Variants in AATK observed in about 807,000 individuals in gnomAD.
AATK encodes lemur tail kinase 1.
Under a neutral mutation model 114.3 loss-of-function variants are expected in AATK, and 91 were observed. The observed-to-expected ratio is 0.80, with a 90% CI of 0.67 to 0.95. The LOEUF (loss-of-function observed/expected upper bound fraction) is 0.95. AATK is among the 40% of genes least tolerant of loss of function. The probability of loss-of-function intolerance (pLI) is 0.00; values close to 1 mark genes in which losing one functional copy is unlikely to be tolerated. For missense variants in AATK, 2,176 were observed against 1,965.2 expected, an observed-to-expected ratio of 1.11 and a Z score of -2.03; for synonymous variants, 1,075 against 916.5, an observed-to-expected ratio of 1.17 and a Z score of -3.12.
At position 81,120,242 on chromosome 17, in the gene AATK, C is replaced by G. The variant is rs756153426; in HGVS notation, c.3694G>C (p.Val1232Leu). The change falls in exon 11 of 14, where the codon GTG becomes CTG. Residue 1232 changes from valine to leucine, a missense_variant. Val to Leu is a conservative substitution (Grantham distance 32). Transcript: ENST00000326724. ...CEDLERKKKAVSFFDDVTVYL... is the reference protein window; with the variant it reads ...CEDLERKKKALSFFDDVTVYL... ...ACGGTGACGTCGTCGAAGAAGGACA[C>G]GGCCTTCTTCTTGCGTTCCAGGTCC... 1 of 1,593,882 alleles carries G rather than the reference C, an allele frequency of 6.3e-7. No individual in the cohort carries two copies. The highest frequency in any genetic ancestry group is 8.6e-7 in the Non-Finnish European group (1 of 1,166,308).
Position 81,120,646 on chromosome 17 carries a change from C to A in AATK, c.3290G>T (p.Cys1097Phe). 6.5e-7 allele frequency: 1 copy of A among 1,531,050 alleles called. No individual in the cohort carries two copies. The highest frequency in any genetic ancestry group is 1.3e-5 in the South Asian group (1 of 77,658). 94.8% of individuals were successfully genotyped at this position (1,531,050 alleles called of 1,614,324 possible). A position where few individuals can be genotyped will look rare whatever the true frequency, so the allele number is the denominator to read the frequency against. Residue 1097 changes from cysteine (C) to phenylalanine (F), a missense_variant, in exon 11 of 14, where the codon TGC becomes TTC. Around this residue, in one of 4 missense-constraint regions of AATK, gnomAD observed 1,701 missense variants for 1,394.7 expected, o/e 1.22. Transcript: ENST00000326724. Reference protein sequence around the residue: ...AKVRPGPSPSCSQFFLLTPVP... With the variant: ...AKVRPGPSPSFSQFFLLTPVP... ...CGGGGTCAGCAGGAAAAACTGGGAG[C>A]AGCTGGGGCTGGGCCCAGGCCGCAC...
At chr17:81,145,250 A>T (rs1336640692) in intron 1 of AATK, among the ~76,000 whole-genome samples, 1 of 64,206 alleles carries the variant, frequency 1.6e-5, no homozygotes, top group Non-Finnish European at 3.1e-5. Context: ...AAAAAAAAAA[A>T]GAAAAAGAAA....
chr17:81,127,919 C>T lies in AATK; in HGVS notation c.415-9G>A, dbSNP rs1261541911. ...ACCTCCCCCAGGAACACCTGTGGGA[C>T]AGACAGCATCACCCACGGCTGCTCC... On this transcript the variant is annotated splice_polypyrimidine_tract_variant and intron_variant, in intron 4 of 13. Transcript: ENST00000326724. 1 of 1,548,418 alleles carries T rather than the reference C, an allele frequency of 6.5e-7. No homozygotes were observed. Among genetic ancestry groups the T allele is most frequent in the Admixed American group, 2.0e-5 (1 of 50,970 alleles).
At chr17:81,160,766 G>A (rs977911428) in intron 1 of AATK, among the ~76,000 whole-genome samples, 11 of 152,236 alleles carry the variant, frequency 7.2e-5, no homozygotes, top group African/African-American at 2.7e-4. Context: ...GTGCACAGAG[G>A]GGTCAGGTGG....
chr17:81,132,491 G>A (rs1023120526), intron 2 of AATK, among the ~76,000 whole-genome samples: 8 of 152,202 alleles, frequency 5.3e-5, no homozygotes, highest in South Asian at 2.1e-4. Flanking sequence ...CAGGTGCTGC[G>A]TGGGCAACTT....
At chr17:81,139,470 C>G (rs2061089494) in intron 1 of AATK, among the ~76,000 whole-genome samples, 1 of 76,696 alleles carries the variant, frequency 1.3e-5, no homozygotes, top group Admixed American at 1.7e-4. Flanking sequence ...TCTTGAAAGC[C>G]CATTTAAACC....
intron 1 of AATK, among the ~76,000 whole-genome samples, chr17:81,138,748 A>C (rs4969402): frequency 0.74 from 108,991 of 146,866 alleles, 40,540 homozygotes; most frequent in East Asian, 0.97. Context: ...CACAGATACC[A>C]ACACGCGCAT....
chr17:81,156,429 T>C (rs558047209), intron 1 of AATK, among the ~76,000 whole-genome samples: 16 of 152,114 alleles, frequency 1.1e-4, no homozygotes, highest in Non-Finnish European at 1.9e-4. Flanking sequence ...GACAGAGTCT[T>C]GCTCTGTCGC....
chr17:81,144,929 C>T (rs2061193980), intron 1 of AATK, among the ~76,000 whole-genome samples: 1 of 152,220 alleles, frequency 6.6e-6, no homozygotes, highest in African/African-American at 2.4e-5. Flanking sequence ...GGATTCCACA[C>T]TCCATGAAAA....
At chr17:81,141,043 G>A (rs1161229262) in intron 1 of AATK, among the ~76,000 whole-genome samples, 1 of 142,612 alleles carries the variant, frequency 7.0e-6, no homozygotes, top group Non-Finnish European at 1.6e-5. Flanking sequence ...GGGACCATGG[G>A]GACCGTGAGC....
Position 81,119,180 on chromosome 17 carries a change from AG to A in AATK, c.4084+199del, listed in dbSNP as rs1303690431. 1.0e-3 allele frequency among the ~76,000 whole-genome samples: 128 copies of A among 125,392 alleles called. 1 individual carries two copies. Among genetic ancestry groups the A allele is most frequent in the Middle Eastern group, 8.5e-3 (2 of 234 alleles). The allele number at this position is 125,392 out of a possible 152,430, so 82.3% of individuals were successfully genotyped here. On this transcript the variant is annotated intron_variant, in intron 13 of 13. Coordinates refer to ENST00000326724, the MANE Select transcript of AATK (RefSeq NM_001080395.3). ...GTGAGGGTCAGGTGAGGGTCAGGTG[AG>A]GGTCAGGTGAGGGCCAGGCGAGGGC... is the stretch of plus-strand genomic sequence containing the variant.
At chr17:81,124,666 C>A in intron 9 of AATK, 61 bp downstream of exon 9, 1 of 1,590,812 alleles carries the variant, frequency 6.3e-7, no homozygotes, top group South Asian at 1.1e-5. Context: ...CATGATTTGA[C>A]ATGGGTGGGC....
intron 7 of AATK, chr17:81,125,356 C>T (rs1367710335): frequency 1.5e-6 from 1 of 654,010 alleles, no homozygotes; most frequent in Non-Finnish European, 3.0e-6. Context: ...GGACCCTCTC[C>T]TCCTAGCTCT....
In AATK at chr17:81,123,205, CA is replaced by C; in HGVS notation, c.1100del (p.Leu367ArgfsTer8). 1 of 1,426,456 alleles carries C rather than the reference CA, an allele frequency of 7.0e-7. No homozygotes were observed. The highest frequency in any genetic ancestry group is 9.2e-7 in the Non-Finnish European group (1 of 1,092,566). 88.4% of individuals were successfully genotyped at this position (1,426,456 alleles called of 1,614,324 possible). On this transcript the variant is annotated frameshift_variant, in exon 10 of 14. Transcript: ENST00000326724. LOFTEE classifies it high-confidence loss of function. ...AGTGGGGCCCTCACCAGCGGTCCGA[CA>C]GGGTCAGCTGCAGCTGGGGCTTGGG... Reference protein sequence around the residue: ...KLPKPQLQLTLSDRWYEVMQF... With the variant: ...KLPKPQLQLTXSDRWYEVMQF...
Position 81,122,969 on chromosome 17 carries a change from A to C in AATK, c.1113-146T>G, listed in dbSNP as rs1161798901. The C allele has an allele frequency of 5.1e-6, 5 of 972,434 alleles. No homozygotes were observed. The African/African-American group carries it at 6.8e-5, about 13-fold the overall frequency. 60.2% of individuals were successfully genotyped at this position (972,434 alleles called of 1,614,324 possible). A position where few individuals can be genotyped will look rare whatever the true frequency, so the allele number is the denominator to read the frequency against. ...CTTAATTGACACCCCAAATCTGCCA[A>C]GGCAAGCCCAGCAGCGTGGGAGCAG... On this transcript the variant is annotated intron_variant, in intron 10 of 13. Transcript: ENST00000326724.
In AATK at chr17:81,119,468, A is replaced by AGCGGGC. The variant is rs1555689785; in HGVS notation, c.3990_3995dup (p.Ala1332_Pro1333dup). On this transcript the variant is annotated inframe_insertion, in exon 13 of 14. Coordinates refer to ENST00000326724, the MANE Select transcript of AATK (RefSeq NM_001080395.3). The stretch of plus-strand genomic sequence containing the variant: ...GCGACACCGTGAAGCGCGAGAAGGG[A>AGCGGGC]GCGGGCGTGGGCGTGGGCGCAGCCG... 12 of 1,475,628 alleles carry AGCGGGC rather than the reference A, an allele frequency of 8.1e-6. No homozygotes were observed. In the East Asian group the frequency reaches 1.0e-4, roughly 13 times the overall value. The allele number at this position is 1,475,628 out of a possible 1,614,324, so 91.4% of individuals were successfully genotyped here.
chr17:81,162,087 G>A lies in AATK; in HGVS notation c.55+3851C>T, dbSNP rs8077330. ...GGGGCCTCACACCCACCCCCTCCCC[G>A]AGTGCCGACACCCACACCCTCCCCG... On this transcript the variant is annotated intron_variant, in intron 1 of 13. Transcript: ENST00000326724. Among the ~76,000 whole-genome samples the A allele has an allele frequency of 9.8e-3, 1,488 of 151,380 alleles. 24 individuals carry two copies. The highest frequency in any genetic ancestry group is 0.033 in the African/African-American group (1,372 of 41,288).
chr17:81,124,873 C>G, intron 8 of AATK, 25 bp from the exon 9 acceptor site: 1 of 1,586,790 alleles, frequency 6.3e-7, no homozygotes, highest in Non-Finnish European at 8.6e-7. Flanking sequence ...ACGGGTCACC[C>G]CTGCCGGCGC....
In AATK at chr17:81,121,017, G is replaced by T. The variant is rs568593762; in HGVS notation, c.2919C>A (p.Pro973=). ...AGGTGGAGAGCCGTGTCTCGGGCCC[G>T]GGGCCCTCACCCTCTGAGGCCAGCT... The part of the protein sequence containing the change: ...FAELASEGEG[P]GPETRLSTSL... The change falls in exon 11 of 14, where the codon CCC becomes CCA. Residue 973 remains proline (P), a synonymous_variant. Transcript: ENST00000326724. The T allele has an allele frequency of 6.2e-7, 1 of 1,609,842 alleles. No individual in the cohort carries two copies. The highest frequency in any genetic ancestry group is 8.5e-7 in the Non-Finnish European group (1 of 1,178,780).
Sources: allele counts gnomAD v4.1 joint callset (sites outside exome capture counted in the v4.1 genomes callset), GRCh38; gene constraint gnomAD v4.1.1; regional missense constraint gnomAD v4.1.1; transcripts MANE v1.5; gene names NCBI Gene and HGNC (gene_info 2026-07-23, HGNC 2026-07-21).